The following CPQ variants were observed in gnomAD, a reference collection of about 807,000 sequenced individuals.
CPQ encodes the protein Ser-Met dipeptidase.
In CPQ, 37 loss-of-function variants were observed where a neutral mutation model predicts 45.7. That is an observed-to-expected ratio of 0.81 (90% CI 0.62 to 1.07). The LOEUF (loss-of-function observed/expected upper bound fraction) is 1.07. CPQ is among the 50% of genes least tolerant of loss of function. CPQ has a pLI of 0.00. For missense variants in CPQ, 537 were observed against 572.9 expected (o/e 0.94, Z 0.64); for synonymous variants, 186 against 205.8 (o/e 0.90, Z 0.82).
At chr8:96,889,606 G>A (rs1812347372) in intron 4 of CPQ, among the ~76,000 whole-genome samples, 1 of 152,160 alleles carries the variant, frequency 6.6e-6, no homozygotes, top group South Asian at 2.1e-4. Flanking sequence ...GAGGAACAAG[G>A]AAGCCAGCAG....
intron 7 of CPQ, among the ~76,000 whole-genome samples, chr8:97,091,387 G>A (rs1391614023): frequency 6.6e-6 from 1 of 152,190 alleles, no homozygotes; most frequent in African/African-American, 2.4e-5. Context: ...GAGTGACCTT[G>A]TCTGTTGCTG....
intron 5 of CPQ, among the ~76,000 whole-genome samples, chr8:96,995,943 T>C (rs1809172308): frequency 6.6e-6 from 1 of 151,618 alleles, no homozygotes; most frequent in Non-Finnish European, 1.5e-5. Flanking sequence ...GTATTCAGAG[T>C]AGACCAGAAC....
chr8:96,840,653 G>T (rs1811593576), intron 3 of CPQ, among the ~76,000 whole-genome samples: 1 of 152,122 alleles, frequency 6.6e-6, no homozygotes, highest in Non-Finnish European at 1.5e-5. Flanking sequence ...GGAAGGACAG[G>T]TTACTCCTCT....
rs575454519 is a variant in CPQ at position 96,681,815 on chromosome 8, A to C, written c.-35+36413A>C. 5.3e-5 allele frequency among the ~76,000 whole-genome samples: 8 copies of C among 152,290 alleles called. No individual in the cohort carries two copies. In the South Asian group the frequency reaches 1.7e-3, roughly 32 times the overall value. ...GAGCTGCCCAAGGCCATGGGAGCCC[A>C]CTTCTTACATCAGCATGACCTGGAT... On this transcript the variant is annotated intron_variant, in intron 1 of 7. Transcript: ENST00000220763.
At chr8:97,121,932 A>G (rs1811709152) in intron 7 of CPQ, among the ~76,000 whole-genome samples, 1 of 152,146 alleles carries the variant, frequency 6.6e-6, no homozygotes, top group Non-Finnish European at 1.5e-5. Context: ...ACTCGAAAAG[A>G]TAGTGATAGA....
intron 7 of CPQ, among the ~76,000 whole-genome samples, chr8:97,082,785 C>T (rs1810973234): frequency 6.6e-6 from 1 of 152,110 alleles, no homozygotes; most frequent in African/African-American, 2.4e-5. Context: ...GTTCTGTCCT[C>T]CCACTCCCAC....
intron 3 of CPQ, among the ~76,000 whole-genome samples, chr8:96,852,773 G>A (rs541093260): frequency 1.7e-4 from 26 of 152,114 alleles, no homozygotes; most frequent in Non-Finnish European, 7.4e-5. Context: ...AATTCTTATC[G>A]GGCTCCCAGC....
intron 1 of CPQ, among the ~76,000 whole-genome samples, chr8:96,689,147 G>A (rs1256022184): frequency 6.6e-6 from 1 of 152,176 alleles, no homozygotes; most frequent in Non-Finnish European, 1.5e-5. Flanking sequence ...CCAACGTTAA[G>A]AGAAATAGAT....
At chr8:96,939,574 C>T (rs947401918) in intron 4 of CPQ, among the ~76,000 whole-genome samples, 2 of 152,020 alleles carry the variant, frequency 1.3e-5, no homozygotes, top group Admixed American at 6.6e-5. Flanking sequence ...ATAAAATTGC[C>T]GTTTTAGTTG....
chr8:97,034,053 G>C (rs889789532), intron 6 of CPQ, among the ~76,000 whole-genome samples: 2 of 151,980 alleles, frequency 1.3e-5, no homozygotes, highest in Non-Finnish European at 2.9e-5. Context: ...TATAATACGT[G>C]CTAGAATTTA....
chr8:96,861,894 G>T (rs1652262352), intron 3 of CPQ, among the ~76,000 whole-genome samples: 1 of 152,086 alleles, frequency 6.6e-6, no homozygotes, highest in Non-Finnish European at 1.5e-5. Flanking sequence ...AAGCACTTTT[G>T]GTGGTTGTGG....
At chr8:96,676,667 C>G (rs1414922003) in intron 1 of CPQ, among the ~76,000 whole-genome samples, 1 of 151,796 alleles carries the variant, frequency 6.6e-6, no homozygotes. Flanking sequence ...TTTGTATTTG[C>G]TTTTTTAAAA....
At chr8:96,772,529 T>C (rs1430078286) in intron 1 of CPQ, among the ~76,000 whole-genome samples, 2 of 152,008 alleles carry the variant, frequency 1.3e-5, no homozygotes, top group South Asian at 4.1e-4. Context: ...TGTGAATGAC[T>C]TTGCCAGTTA....
intron 5 of CPQ, among the ~76,000 whole-genome samples, chr8:97,026,647 T>C (rs1475327285): frequency 6.6e-6 from 1 of 152,224 alleles, no homozygotes; most frequent in Non-Finnish European, 1.5e-5. Flanking sequence ...AAGTAGGTGC[T>C]AGGGTTCCCT....
At chr8:96,810,108 T>A (rs1243608813) in intron 2 of CPQ, among the ~76,000 whole-genome samples, 1 of 152,176 alleles carries the variant, frequency 6.6e-6, no homozygotes, top group Non-Finnish European at 1.5e-5. Context: ...CATTGAAGAT[T>A]CAGTTTGGAA....
chr8:97,143,107 T>C lies in CPQ; in HGVS notation c.1343T>C (p.Met448Thr), dbSNP rs139887338. 6.4e-5 allele frequency: 104 copies of C among 1,614,014 alleles called. No individual in the cohort carries two copies. In the East Asian group the frequency reaches 9.8e-4, roughly 15 times the overall value. Reference sequence around the variant, plus strand: ...ATGACTGTCATGGATCCAAAGCAGATGAATGTTGCTGCTGCTGTTTGGGCT... The same window carrying C: ...ATGACTGTCATGGATCCAAAGCAGACGAATGTTGCTGCTGCTGTTTGGGCT... ...DTMTVMDPKQ[M>T]NVAAAVWAVV... Residue 448 changes from methionine to threonine, a missense_variant, in exon 8 of 8, where the codon ATG becomes ACG. By Grantham distance (81) the Met-to-Thr change is moderately conservative. Transcript: ENST00000220763.
chr8:96,879,881 T>C lies in CPQ; in HGVS notation c.725T>C (p.Met242Thr), dbSNP rs1218467108. Residue 242 changes from methionine to threonine, a missense_variant, in exon 4 of 8, where the codon ATG (methionine) becomes ACG (threonine). Transcript: ENST00000220763. ...ACITVEDAEM[M>T]SRMASHGIKI... ...ATTACGGTGGAAGATGCAGAAATGA[T>C]GTCAAGAATGGCTTCTCATGGGATC... The C allele has an allele frequency of 7.4e-6, 12 of 1,613,914 alleles. No homozygotes were observed. The highest frequency in any genetic ancestry group is 1.3e-5 in the African/African-American group (1 of 74,886).
intron 2 of CPQ, among the ~76,000 whole-genome samples, chr8:96,820,520 G>A (rs1330051645): frequency 6.6e-6 from 1 of 151,768 alleles, no homozygotes; most frequent in Non-Finnish European, 1.5e-5. Context: ...ATCTTTATGA[G>A]ATCTACTTTT....
chr8:96,725,046 T>C (rs1011577795), intron 1 of CPQ, among the ~76,000 whole-genome samples: 1 of 152,188 alleles, frequency 6.6e-6, no homozygotes, highest in Non-Finnish European at 1.5e-5. Context: ...AGAATGAAAC[T>C]GGATCCCTGC....
Sources: allele counts gnomAD v4.1 joint callset (sites outside exome capture counted in the v4.1 genomes callset), GRCh38; gene constraint gnomAD v4.1.1; transcripts MANE v1.5; gene names NCBI Gene and HGNC (gene_info 2026-07-23, HGNC 2026-07-21).